Variants in GALNT10 observed in about 807,000 individuals in gnomAD.
The protein encoded by GALNT10 is GalNAc transferase 10.
GALNT10 carries 41 observed loss-of-function variants against 75.0 expected under a neutral mutation model. The ratio of observed to expected loss-of-function variants is 0.55; its 90% CI spans 0.43 to 0.71. The LOEUF (loss-of-function observed/expected upper bound fraction) is 0.71, where lower values mean the gene tolerates loss of function less well. GALNT10 is among the 30% of genes least tolerant of loss of function. GALNT10 has a pLI of 0.00. For synonymous variants in GALNT10, 302 were observed against 313.0 expected, an observed-to-expected ratio of 0.96 and a Z score of 0.37; for missense variants, 727 against 818.5, an observed-to-expected ratio of 0.89 and a Z score of 1.36.
Position 154,393,195 on chromosome 5 carries a change from T to C in GALNT10, c.1056+6765T>C, listed in dbSNP as rs527880792. 8.6e-5 allele frequency among the ~76,000 whole-genome samples: 13 copies of C among 151,576 alleles called. No homozygotes were observed. In the South Asian group the frequency reaches 2.5e-3, roughly 29 times the overall value. On this transcript the variant is annotated intron_variant, in intron 7 of 11. Transcript: ENST00000297107. Reference sequence around the variant, plus strand: ...CTCGAGCAGTTGTCCCACTTCAGCCTCCCAAATAGCTGGGACTACAGGTCT... The same window carrying C: ...CTCGAGCAGTTGTCCCACTTCAGCCCCCCAAATAGCTGGGACTACAGGTCT...
chr5:154,278,273 T>A (rs1470277642), intron 1 of GALNT10, among the ~76,000 whole-genome samples: 1 of 152,214 alleles, frequency 6.6e-6, no homozygotes, highest in African/African-American at 2.4e-5. Context: ...CCCAATCTTA[T>A]AAGCATCAAA....
chr5:154,214,771 T>G (rs1752840483), intron 1 of GALNT10, among the ~76,000 whole-genome samples: 1 of 152,124 alleles, frequency 6.6e-6, no homozygotes, highest in Admixed American at 6.5e-5. Flanking sequence ...ACTGTACTTT[T>G]CAGAAGACAA....
chr5:154,350,931 C>A (rs1411699510), intron 4 of GALNT10, among the ~76,000 whole-genome samples: 1 of 152,114 alleles, frequency 6.6e-6, no homozygotes, highest in Non-Finnish European at 1.5e-5. Flanking sequence ...TTGCTGGGTC[C>A]CCCCACTTGT....
intron 1 of GALNT10, among the ~76,000 whole-genome samples, chr5:154,204,280 T>C (rs1459429692): frequency 1.3e-5 from 2 of 152,206 alleles, no homozygotes. Context: ...TGACTGCATC[T>C]CTGAAACAGA....
chr5:154,196,276 G>C (rs1451117759), intron 1 of GALNT10, among the ~76,000 whole-genome samples: 4 of 152,288 alleles, frequency 2.6e-5, no homozygotes, highest in Non-Finnish European at 5.9e-5. Flanking sequence ...AGGTGGCAAA[G>C]GGACAAGAGT....
intron 8 of GALNT10, among the ~76,000 whole-genome samples, chr5:154,406,566 G>A (rs1341442210): frequency 6.6e-6 from 1 of 152,244 alleles, no homozygotes; most frequent in Non-Finnish European, 1.5e-5. Flanking sequence ...GGAGGCCAAG[G>A]CGGGCGGATC....
chr5:154,324,029 T>C (rs1754716455), intron 3 of GALNT10, among the ~76,000 whole-genome samples: 1 of 152,228 alleles, frequency 6.6e-6, no homozygotes, highest in Non-Finnish European at 1.5e-5. Context: ...GGTCTGTGAA[T>C]GTCAGCCTCA....
At chr5:154,305,433 G>T in intron 3 of GALNT10, among the ~76,000 whole-genome samples, 1 of 152,086 alleles carries the variant, frequency 6.6e-6, no homozygotes, top group South Asian at 2.1e-4. Context: ...GATTGGATAA[G>T]AAAACAAGAT....
intron 3 of GALNT10, among the ~76,000 whole-genome samples, chr5:154,322,531 C>T (rs1382258311): frequency 1.3e-5 from 2 of 152,132 alleles, no homozygotes; most frequent in Non-Finnish European, 2.9e-5. Context: ...CCCTTTGCTA[C>T]ATAAGGTACA....
At chr5:154,255,929 A>G (rs1753602025) in intron 1 of GALNT10, among the ~76,000 whole-genome samples, 1 of 146,760 alleles carries the variant, frequency 6.8e-6, no homozygotes, top group South Asian at 2.2e-4. Context: ...TTGAGATATG[A>G]TTCACATTTC....
chr5:154,370,551 G>A (rs1464608968), intron 4 of GALNT10, among the ~76,000 whole-genome samples: 3 of 152,168 alleles, frequency 2.0e-5, no homozygotes, highest in Non-Finnish European at 4.4e-5. Context: ...GTAGAAGGAC[G>A]AGCACGGGCA....
At chr5:154,292,409 C>T (rs1754207408) in intron 1 of GALNT10, among the ~76,000 whole-genome samples, 1 of 152,188 alleles carries the variant, frequency 6.6e-6, no homozygotes, top group South Asian at 2.1e-4. Context: ...TAGTTTTGTG[C>T]CTTCCATTAA....
At chr5:154,299,797 C>T (rs1754334023) in intron 3 of GALNT10, among the ~76,000 whole-genome samples, 1 of 151,512 alleles carries the variant, frequency 6.6e-6, no homozygotes, top group South Asian at 2.1e-4. Flanking sequence ...CGGGCTTTGC[C>T]ATTTGTTTCA....
At position 154,300,269 on chromosome 5, in the gene GALNT10, A is replaced by G. The variant is rs569920106; in HGVS notation, c.401+2190A>G. ...TGTGTTTAGCTCCTTGCAGGGTTCC[A>G]AATTCTGCACTAATTTCATCTTTCT... is the stretch of plus-strand genomic sequence containing the variant. On this transcript the variant is annotated intron_variant, in intron 3 of 11. Coordinates refer to ENST00000297107, the MANE Select transcript of GALNT10 (RefSeq NM_198321.4). Among the ~76,000 whole-genome samples, 13 of 152,344 alleles carry G rather than the reference A, an allele frequency of 8.5e-5. No individual in the cohort carries two copies. In the South Asian group the frequency reaches 2.7e-3, roughly 32 times the overall value.
At chr5:154,317,547 C>T (rs914389899) in intron 3 of GALNT10, among the ~76,000 whole-genome samples, 16 of 152,240 alleles carry the variant, frequency 1.1e-4, no homozygotes, top group Middle Eastern at 3.4e-3. Context: ...TTCTCCTGGT[C>T]GGTGAACAAG....
chr5:154,409,615 C>T lies in GALNT10; in HGVS notation c.1239C>T (p.Arg413=), dbSNP rs780429808. The change falls in exon 9 of 12, where the codon CGC becomes CGT. Residue 413 remains arginine, a synonymous_variant. Coordinates refer to ENST00000297107, the MANE Select transcript of GALNT10 (RefSeq NM_198321.4). This position sits in a 1 kb window ranked among gnomAD's most constrained non-coding sequence, Gnocchi z 4.5. The stretch of plus-strand genomic sequence containing the variant: ...TTTACCAGCGCCGGCCTGAATACCG[C>T]CACCTCTCCGCTGGGGATGTCGCAG... ...EYIYQRRPEY[R]HLSAGDVAVQ... The T allele has an allele frequency of 5.0e-6, 8 of 1,613,670 alleles. No homozygotes were observed. In the Admixed American group the frequency reaches 1.2e-4, roughly 24 times the overall value.
At chr5:154,387,856 T>C (rs1246995388) in intron 7 of GALNT10, 1 of 151,616 alleles carries the variant, frequency 6.6e-6, no homozygotes, top group Non-Finnish European at 1.5e-5. Flanking sequence ...CTTTTGATGT[T>C]ATTTAGGTTT....
At chr5:154,219,832 T>TCCCACACACACACACACA (rs775014222) in intron 1 of GALNT10, among the ~76,000 whole-genome samples, 5 of 80,120 alleles carry the variant, frequency 6.2e-5, no homozygotes, top group Non-Finnish European at 1.6e-4. Context: ...TCTCTCTCTC[T>TCCCACACACACACACACA]CTCTCTCACA....
intron 1 of GALNT10, among the ~76,000 whole-genome samples, chr5:154,270,773 C>G (rs1260774479): frequency 6.6e-6 from 1 of 152,004 alleles, no homozygotes; most frequent in Non-Finnish European, 1.5e-5. Context: ...ATGGACAGAT[C>G]ATCTGAGGTC....
Sources: allele counts gnomAD v4.1 joint callset (sites outside exome capture counted in the v4.1 genomes callset), GRCh38; gene constraint gnomAD v4.1.1; non-coding constraint Gnocchi (gnomAD v3.1); transcripts MANE v1.5; gene names NCBI Gene and HGNC (gene_info 2026-07-23, HGNC 2026-07-21).